Variants in TTK observed in about 807,000 individuals in gnomAD.
The protein encoded by TTK is dual specificity protein kinase TTK.
A neutral mutation model predicts 117.3 loss-of-function variants in TTK; 59 were observed. The observed-to-expected ratio is 0.50, with a 90% CI of 0.41 to 0.62. The LOEUF (loss-of-function observed/expected upper bound fraction) is 0.62, where lower values mean the gene tolerates loss of function less well. TTK is among the 20% of genes least tolerant of loss of function. TTK has a pLI of 0.00. For synonymous variants in TTK, 302 were observed against 325.0 expected (o/e 0.93, Z 0.76); for missense variants, 921 against 989.4 (o/e 0.93, Z 0.93).
chr6:80,005,992 T>C lies in TTK; in HGVS notation c.139+10T>C. The stretch of plus-strand genomic sequence containing the variant: ...TCTGCTGATACTACAGGTGAGTTTT[T>C]CTTTTCTTTTAAGTTAGTAACTGTT... On this transcript the variant is annotated intron_variant, in intron 2 of 21. Coordinates refer to ENST00000369798, the MANE Select transcript of TTK (RefSeq NM_003318.5). 6.3e-7 allele frequency: 1 copy of C among 1,598,540 alleles called. No individual in the cohort carries two copies. Among genetic ancestry groups the C allele is most frequent in the Non-Finnish European group, 8.5e-7 (1 of 1,176,386 alleles).
At chr6:80,022,254 T>C (rs1767479603) in intron 10 of TTK, 70 bp from the exon 11 acceptor site, 1 of 1,487,856 alleles carries the variant, frequency 6.7e-7, no homozygotes, top group African/African-American at 1.4e-5. Context: ...TGTAATATGT[T>C]CTGTTGTTTA....
Position 80,027,987 on chromosome 6 carries a change from T to TG in TTK, c.1498dup (p.Ala500GlyfsTer17). On this transcript the variant is annotated frameshift_variant, in exon 13 of 22. Coordinates refer to ENST00000369798, the MANE Select transcript of TTK (RefSeq NM_003318.5). LOFTEE classifies it high-confidence loss of function. Reference sequence around the variant, plus strand: ...TCCAGCAGCAACAGCATCAAATACTTGCCACTCCACTTCAAAATTTACAGG... The same window carrying TG: ...TCCAGCAGCAACAGCATCAAATACTTGGCCACTCCACTTCAAAATTTACAGG... 6.2e-7 allele frequency: 1 copy of TG among 1,603,912 alleles called. No individual in the cohort carries two copies. Among genetic ancestry groups the TG allele is most frequent in the Non-Finnish European group, 8.5e-7 (1 of 1,174,476 alleles).
In TTK at chr6:80,041,502, T is replaced by C. The variant is rs114050385; in HGVS notation, c.2491-617T>C. Among the ~76,000 whole-genome samples the C allele has an allele frequency of 1.3e-3, 196 of 151,778 alleles. 1 individual carries two copies. The highest frequency in any genetic ancestry group is 4.5e-3 in the African/African-American group (187 of 41,524). On this transcript the variant is annotated intron_variant, in intron 21 of 21. Transcript: ENST00000369798. Reference sequence around the variant, plus strand: ...AAAGTGGACCAAATTTGTTTTGTAATTGCTCTGTATTTTGTATCTCCATGT... The same window carrying C: ...AAAGTGGACCAAATTTGTTTTGTAACTGCTCTGTATTTTGTATCTCCATGT...
At chr6:80,040,733 T>G in intron 21 of TTK, 30 bp downstream of exon 21, 5 of 1,598,246 alleles carry the variant, frequency 3.1e-6, no homozygotes, top group Non-Finnish European at 4.3e-6. Flanking sequence ...ACATTAATTT[T>G]TACTGTTTTA....
chr6:80,013,161 G>T (rs1284500625), intron 8 of TTK, 118 bp from the exon 9 acceptor site: 60 of 796,650 alleles, frequency 7.5e-5, no homozygotes, highest in Non-Finnish European at 1.1e-4. Flanking sequence ...CTTTTTAAGA[G>T]ATTTTTTTCA....
chr6:80,016,096 T>G (rs907090018), intron 10 of TTK, among the ~76,000 whole-genome samples: 42 of 152,382 alleles, frequency 2.8e-4, no homozygotes, highest in African/African-American at 8.9e-4. Flanking sequence ...CCGTATACTA[T>G]TTAACTAGTG....
chr6:80,026,010 T>C (rs1217968338), intron 11 of TTK, among the ~76,000 whole-genome samples: 1 of 152,040 alleles, frequency 6.6e-6, no homozygotes, highest in Non-Finnish European at 1.5e-5. Context: ...GGGAATAGAG[T>C]TTTATTGATT....
At chr6:80,029,992 T>A (rs1767710484) in intron 13 of TTK, among the ~76,000 whole-genome samples, 1 of 152,148 alleles carries the variant, frequency 6.6e-6, no homozygotes. Flanking sequence ...GAAACCTTGA[T>A]GAAATTACAA....
At chr6:80,012,022 G>C (rs893776947) in intron 8 of TTK, 42 bp downstream of exon 8, 1 of 1,503,196 alleles carries the variant, frequency 6.7e-7, no homozygotes, top group East Asian at 2.3e-5. Context: ...GTCCGTATGG[G>C]AAGATTAATG....
At chr6:80,009,792 C>T (rs1767095165) in intron 4 of TTK, among the ~76,000 whole-genome samples, 1 of 151,796 alleles carries the variant, frequency 6.6e-6, no homozygotes, top group Non-Finnish European at 1.5e-5. Flanking sequence ...ATGCAGCATC[C>T]CTGAAGTCCT....
Position 80,036,522 on chromosome 6 carries a change from G to A in TTK, c.1972G>A (p.Gly658Arg). 1.2e-6 allele frequency: 2 copies of A among 1,611,480 alleles called. No homozygotes were observed. Among genetic ancestry groups the A allele is most frequent in the Non-Finnish European group, 1.7e-6 (2 of 1,178,772 alleles). The change falls in exon 17 of 22, where the codon GGA becomes AGA. Residue 658 changes from glycine (G) to arginine (R), a missense_variant. Coordinates refer to ENST00000369798, the MANE Select transcript of TTK (RefSeq NM_003318.5). ...LKPANFLIVD[G>R]MLKLIDFGIA... ...ACCAGCTAACTTTCTGATAGTTGAT[G>A]GAATGCTAAAGCTAATTGATTTTGG...
chr6:80,017,252 G>T (rs1582094938), intron 10 of TTK, among the ~76,000 whole-genome samples: 1 of 151,990 alleles, frequency 6.6e-6, no homozygotes, highest in Non-Finnish European at 1.5e-5. Flanking sequence ...TCTGGCTTTG[G>T]ATTCTTTTCT....
At chr6:80,013,401 G>C (rs780142020) in intron 9 of TTK, 35 bp downstream of exon 9, 3 of 1,525,654 alleles carry the variant, frequency 2.0e-6, no homozygotes, top group Admixed American at 2.0e-5. Context: ...TAAAGCAAGG[G>C]TTCCTGATCT....
At chr6:80,029,037 CACTT>C (rs1358879791) in intron 13 of TTK, among the ~76,000 whole-genome samples, 1 of 152,148 alleles carries the variant, frequency 6.6e-6, no homozygotes, top group Non-Finnish European at 1.5e-5. Context: ...CAGAGCATGA[CACTT>C]AGTAAATCAG....
In TTK at chr6:80,016,315, G is replaced by C. The variant is rs190125742; in HGVS notation, c.1108+1729G>C. On this transcript the variant is annotated intron_variant, in intron 10 of 21. Transcript: ENST00000369798. ...GCCAAACAGTCTGAAAAGTGGTTGT[G>C]CTAACCTTAGACCAGCAATTATGTT... Among the ~76,000 whole-genome samples the C allele has an allele frequency of 4.7e-4, 72 of 152,272 alleles. No individual in the cohort carries two copies. In the East Asian group the frequency reaches 0.014, roughly 29 times the overall value.
chr6:80,007,750 T>C lies in TTK; in HGVS notation c.140-59T>C, dbSNP rs1767031594. On this transcript the variant is annotated intron_variant, in intron 2 of 21. Coordinates refer to ENST00000369798, the MANE Select transcript of TTK (RefSeq NM_003318.5). ...GTTTGACTATATTTTGAAGGAAAAATGCAATTTGGCATTTGTTTTATGTCT... is the reference window on the plus strand; with the variant it reads ...GTTTGACTATATTTTGAAGGAAAAACGCAATTTGGCATTTGTTTTATGTCT... 6 of 1,412,456 alleles carry C rather than the reference T, an allele frequency of 4.2e-6. No homozygotes were observed. In the Admixed American group the frequency reaches 6.8e-5, roughly 16 times the overall value. The allele number at this position is 1,412,456 out of a possible 1,614,324, so 87.5% of individuals were successfully genotyped here.
chr6:80,022,197 TTCTC>T lies in TTK; in HGVS notation c.1109-124_1109-121del, dbSNP rs1327931973. On this transcript the variant is annotated intron_variant, in intron 10 of 21. Transcript: ENST00000369798. Reference sequence around the variant, plus strand: ...AAGCAGCTGGCTTAAAGCTTTTAGTTTCTCTCCCTCCTTGATTGTTTTTAAGAAC... The same window carrying T: ...AAGCAGCTGGCTTAAAGCTTTTAGTTTCCCTCCTTGATTGTTTTTAAGAAC... 1.6e-5 allele frequency: 17 copies of T among 1,058,698 alleles called. No individual in the cohort carries two copies. In the Admixed American group the frequency reaches 2.2e-4, roughly 13 times the overall value. 65.6% of individuals were successfully genotyped at this position (1,058,698 alleles called of 1,614,324 possible). A position where few individuals can be genotyped will look rare whatever the true frequency, so the allele number is the denominator to read the frequency against.
chr6:80,007,783 T>A (rs1164764168), intron 2 of TTK, 26 bp from the exon 3 acceptor site: 4 of 1,560,684 alleles, frequency 2.6e-6, no homozygotes, highest in Non-Finnish European at 3.5e-6. Flanking sequence ...TCTTTTCTTG[T>A]GATATATTTT....
intron 10 of TTK, among the ~76,000 whole-genome samples, chr6:80,018,426 G>T (rs969140440): frequency 6.6e-6 from 1 of 150,544 alleles, no homozygotes; most frequent in Non-Finnish European, 1.5e-5. Flanking sequence ...AACTAGCCTG[G>T]CCAGTGTGGT....
Sources: allele counts gnomAD v4.1 joint callset (sites outside exome capture counted in the v4.1 genomes callset), GRCh38; gene constraint gnomAD v4.1.1; transcripts MANE v1.5; gene names NCBI Gene and HGNC (gene_info 2026-07-23, HGNC 2026-07-21).